The following TMPRSS11F variants were observed in gnomAD, a reference collection of about 807,000 sequenced individuals.
TMPRSS11F encodes transmembrane protease serine 11F.
Under a neutral mutation model 60.2 loss-of-function variants are expected in TMPRSS11F, and 47 were observed. The observed-to-expected ratio is 0.78, with a 90% CI of 0.62 to 1.00. TMPRSS11F has a LOEUF of 1.00. Ranked by LOEUF, TMPRSS11F falls within the 50% of genes least tolerant of loss-of-function variation. The pLI is 0.00. For missense variants in TMPRSS11F, 519 were observed against 522.9 expected, an observed-to-expected ratio of 0.99 and a Z score of 0.07; for synonymous variants, 166 against 167.3, an observed-to-expected ratio of 0.99 and a Z score of 0.06.
intron 1 of TMPRSS11F, among the ~76,000 whole-genome samples, chr4:68,120,684 G>A (rs1336526683): frequency 1.3e-5 from 2 of 152,124 alleles, no homozygotes; most frequent in South Asian, 2.1e-4. Flanking sequence ...CACCGCGCCC[G>A]GCCGAGAAAT....
Position 68,069,962 on chromosome 4 carries a change from A to C in TMPRSS11F, c.553+7T>G. On this transcript the variant is annotated splice_region_variant and intron_variant, in intron 6 of 9. Transcript: ENST00000356291. ...ATAAACAGTTAATTGTGGGTTTTGG[A>C]ACTTACGACTGTTGAGAAGATTCCT... The C allele has an allele frequency of 6.3e-7, 1 of 1,596,278 alleles. No individual in the cohort carries two copies. The highest frequency in any genetic ancestry group is 1.1e-5 in the South Asian group (1 of 88,334).
intron 1 of TMPRSS11F, among the ~76,000 whole-genome samples, chr4:68,115,762 T>C (rs1255090378): frequency 6.6e-6 from 1 of 152,120 alleles, no homozygotes; most frequent in African/African-American, 2.4e-5. Context: ...CAGTAACATA[T>C]ACAATAGCAC....
At chr4:68,101,952 T>A (rs1560407247) in intron 1 of TMPRSS11F, among the ~76,000 whole-genome samples, 1 of 152,162 alleles carries the variant, frequency 6.6e-6, no homozygotes, top group Non-Finnish European at 1.5e-5. Flanking sequence ...ATCCTACATA[T>A]CTGCTACTTT....
At position 68,090,524 on chromosome 4, in the gene TMPRSS11F, A is replaced by G; in HGVS notation, c.281T>C (p.Met94Thr). 1 of 1,582,362 alleles carries G rather than the reference A, an allele frequency of 6.3e-7. No homozygotes were observed. Among genetic ancestry groups the G allele is most frequent in the Non-Finnish European group, 8.6e-7 (1 of 1,167,424 alleles). Residue 94 changes from methionine to threonine, a missense_variant and splice_region_variant, in exon 3 of 10, where the codon ATG becomes ACG. Physicochemically the swap from Met to Thr is moderately conservative, Grantham distance 81 (BLOSUM62 -1). Transcript: ENST00000356291. Reference protein sequence around the residue: ...FIERSHQIERMMSRIFRHSSV... With the variant: ...FIERSHQIERTMSRIFRHSSV... ...ATTTAAAATTTCTGTTGAGCTTACC[A>G]TTCTTTCAATCTGATGACTCCTTTC...
intron 3 of TMPRSS11F, among the ~76,000 whole-genome samples, chr4:68,082,520 C>G (rs1361644419): frequency 6.6e-6 from 1 of 152,188 alleles, no homozygotes; most frequent in Non-Finnish European, 1.5e-5. Context: ...GTCCACCAGC[C>G]CCTCCCAAGG....
intron 1 of TMPRSS11F, among the ~76,000 whole-genome samples, chr4:68,112,022 G>A (rs569484094): frequency 6.6e-5 from 10 of 151,972 alleles, no homozygotes; most frequent in Non-Finnish European, 1.2e-4. Context: ...ACATTTCTCC[G>A]CAGCAATCCA....
intron 8 of TMPRSS11F, chr4:68,061,828 A>G (rs1723182801): frequency 2.3e-6 from 1 of 437,656 alleles, no homozygotes; most frequent in Non-Finnish European, 4.5e-6. Flanking sequence ...AAAGACTTGC[A>G]AGGGACCAGC....
chr4:68,121,202 T>C (rs558741792), intron 1 of TMPRSS11F, among the ~76,000 whole-genome samples: 2 of 152,324 alleles, frequency 1.3e-5, no homozygotes, highest in South Asian at 2.1e-4. Context: ...TTTTTAAAAC[T>C]CAAGTTCAAT....
intron 1 of TMPRSS11F, among the ~76,000 whole-genome samples, chr4:68,117,807 C>T (rs993356597): frequency 6.6e-6 from 1 of 152,142 alleles, no homozygotes; most frequent in Non-Finnish European, 1.5e-5. Context: ...ATATTTCACA[C>T]CCAGGTAGTT....
chr4:68,066,116 C>CAAG (rs1723320716), intron 7 of TMPRSS11F, among the ~76,000 whole-genome samples: 1 of 111,590 alleles, frequency 9.0e-6, no homozygotes, highest in Non-Finnish European at 1.7e-5. Context: ...AAGACTGTCT[C>CAAG]AAAAAAAAAA....
intron 1 of TMPRSS11F, among the ~76,000 whole-genome samples, chr4:68,112,579 T>TA (rs1490192863): frequency 6.6e-6 from 1 of 152,150 alleles, no homozygotes; most frequent in Non-Finnish European, 1.5e-5. Flanking sequence ...CTCCTGCCTC[T>TA]AAAAAATACT....
Position 68,054,074 on chromosome 4 carries a change from T to A in TMPRSS11F, c.1159-7A>T. Reference sequence around the variant, plus strand: ...GAGGTCCACCAGAATCTCCCTGAAATAAAAACATATTTTAAATTGTTAACT... The same window carrying A: ...GAGGTCCACCAGAATCTCCCTGAAAAAAAAACATATTTTAAATTGTTAACT... On this transcript the variant is annotated splice_region_variant and splice_polypyrimidine_tract_variant and intron_variant, in intron 9 of 9. Coordinates refer to ENST00000356291, the MANE Select transcript of TMPRSS11F (RefSeq NM_207407.2). 6.2e-7 allele frequency: 1 copy of A among 1,609,310 alleles called. No homozygotes were observed. Among genetic ancestry groups the A allele is most frequent in the Non-Finnish European group, 8.5e-7 (1 of 1,177,032 alleles).
intron 8 of TMPRSS11F, among the ~76,000 whole-genome samples, chr4:68,063,671 C>T (rs897179820): frequency 6.6e-5 from 10 of 152,162 alleles, no homozygotes; most frequent in African/African-American, 2.2e-4. Context: ...GAGCCATCAC[C>T]GCTGGCCTAA....
In TMPRSS11F at chr4:68,083,871, C is replaced by T. The variant is rs113633694; in HGVS notation, c.282+6652G>A. On this transcript the variant is annotated intron_variant, in intron 3 of 9. Coordinates refer to ENST00000356291, the MANE Select transcript of TMPRSS11F (RefSeq NM_207407.2). ...AACTACAGATATAGAATGTAGAATC[C>T]GGATAGCAAGGATACTCATTGAGAT... Among the ~76,000 whole-genome samples, 877 of 152,130 alleles carry T rather than the reference C, an allele frequency of 5.8e-3. 4 individuals are homozygous for T. Among genetic ancestry groups the T allele is most frequent in the Non-Finnish European group, 8.6e-3 (587 of 67,982 alleles).
intron 6 of TMPRSS11F, 75 bp downstream of exon 6, chr4:68,069,894 T>C: frequency 7.8e-7 from 1 of 1,274,572 alleles, no homozygotes; most frequent in Non-Finnish European, 1.1e-6. Context: ...TAAACTTTAC[T>C]GCCAACTTTT....
At chr4:68,104,634 A>G (rs1724263192) in intron 1 of TMPRSS11F, among the ~76,000 whole-genome samples, 1 of 152,166 alleles carries the variant, frequency 6.6e-6, no homozygotes, top group Non-Finnish European at 1.5e-5. Context: ...CCCCTTATAA[A>G]TTACTCAGTC....
At chr4:68,093,033 T>C (rs939299950) in intron 2 of TMPRSS11F, among the ~76,000 whole-genome samples, 2 of 152,198 alleles carry the variant, frequency 1.3e-5, no homozygotes, top group Admixed American at 1.3e-4. Context: ...ACATGATATT[T>C]GCCATTTATT....
At chr4:68,060,515 CAAAAAAAAAAAAA>C (rs71218926) in intron 8 of TMPRSS11F, among the ~76,000 whole-genome samples, 193 of 29,638 alleles carry the variant, frequency 6.5e-3, no homozygotes, top group Non-Finnish European at 7.7e-3. Context: ...GACTCCAACT[CAAAAAAAAAAAAA>C]AAAAAAAAAA....
intron 3 of TMPRSS11F, among the ~76,000 whole-genome samples, chr4:68,085,348 C>T (rs1723790863): frequency 6.6e-6 from 1 of 151,840 alleles, no homozygotes; most frequent in Admixed American, 6.6e-5. Context: ...TACAGTCCCA[C>T]CAACAGTGTA....
Sources: allele counts gnomAD v4.1 joint callset (sites outside exome capture counted in the v4.1 genomes callset), GRCh38; gene constraint gnomAD v4.1.1; transcripts MANE v1.5; gene names NCBI Gene and HGNC (gene_info 2026-07-23, HGNC 2026-07-21).